Variants in RALGAPB observed in about 807,000 individuals in gnomAD.
RALGAPB encodes the protein ral GTPase-activating protein subunit beta.
In RALGAPB, 25 loss-of-function variants were observed where a neutral mutation model predicts 161.1. The ratio of observed to expected loss-of-function variants is 0.16; its 90% CI spans 0.11 to 0.22. RALGAPB has a LOEUF of 0.22. Among genes scored for constraint, RALGAPB ranks in the 10% least tolerant of loss-of-function variants. RALGAPB has a pLI of 1.00. For missense variants in RALGAPB, 1,391 were observed against 1,815.2 expected (o/e 0.77, Z 4.25); for synonymous variants, 629 against 626.1 (o/e 1.00, Z -0.07).
At chr20:38,528,349 A>T (rs1305987053) in intron 13 of RALGAPB, among the ~76,000 whole-genome samples, 1 of 4,128 alleles carries the variant, frequency 2.4e-4, no homozygotes, top group African/African-American at 2.7e-4. Flanking sequence ...TTTTATTTTT[A>T]TTTATTTATT....
At chr20:38,500,107 T>G (rs565511504) in intron 5 of RALGAPB, 2 of 152,296 alleles carry the variant, frequency 1.3e-5, no homozygotes, top group East Asian at 3.9e-4. Flanking sequence ...TTATATTTAA[T>G]ACCATCGCTG....
intron 6 of RALGAPB, among the ~76,000 whole-genome samples, chr20:38,510,131 TACACAC>T (rs34759480): frequency 0.19 from 28,341 of 146,160 alleles, 5,649 homozygotes; most frequent in African/African-American, 0.52. Flanking sequence ...CACACGCACA[TACACAC>T]ACACACACAC....
intron 6 of RALGAPB, among the ~76,000 whole-genome samples, chr20:38,514,020 T>C (rs2086053158): frequency 2.6e-5 from 4 of 152,188 alleles, no homozygotes; most frequent in Admixed American, 2.6e-4. Context: ...TTAGATAGTC[T>C]TTCTTCTTGA....
intron 16 of RALGAPB, among the ~76,000 whole-genome samples, chr20:38,536,416 G>C (rs2086806453): frequency 6.6e-6 from 1 of 152,198 alleles, no homozygotes; most frequent in Non-Finnish European, 1.5e-5. Flanking sequence ...GCTGTTGTCA[G>C]TAGTGCTGCT....
intron 6 of RALGAPB, among the ~76,000 whole-genome samples, chr20:38,515,259 C>T (rs1017065411): frequency 2.6e-5 from 4 of 152,148 alleles, no homozygotes; most frequent in Admixed American, 2.0e-4. Context: ...TTCTCCTTTC[C>T]GCAATTACAG....
intron 27 of RALGAPB, among the ~76,000 whole-genome samples, chr20:38,570,369 C>T (rs1384550601): frequency 1.3e-5 from 2 of 152,160 alleles, no homozygotes; most frequent in African/African-American, 4.8e-5. Context: ...CCTACTGTCT[C>T]GTTTTAGTAT....
intron 28 of RALGAPB, 67 bp from the exon 29 acceptor site, chr20:38,574,083 T>TC: frequency 6.7e-7 from 1 of 1,485,032 alleles, no homozygotes; most frequent in African/African-American, 1.4e-5. Context: ...GTGGGGGACT[T>TC]CAACTCTTGG....
intron 1 of RALGAPB, 28 bp from the exon 2 acceptor site, chr20:38,488,375 G>T: frequency 7.4e-7 from 1 of 1,358,440 alleles, no homozygotes; most frequent in South Asian, 1.3e-5. Flanking sequence ...AGTATAATTT[G>T]ACATGCATTT....
chr20:38,484,191 GAA>G (rs1176518694), intron 1 of RALGAPB, among the ~76,000 whole-genome samples: 1 of 151,956 alleles, frequency 6.6e-6, no homozygotes, highest in Admixed American at 6.6e-5. Context: ...AAAAAGAAAA[GAA>G]AAGAGTAGAC....
intron 4 of RALGAPB, among the ~76,000 whole-genome samples, chr20:38,498,910 A>G (rs1424755047): frequency 6.6e-6 from 1 of 152,216 alleles, no homozygotes; most frequent in African/African-American, 2.4e-5. Flanking sequence ...TTTGGAGGTA[A>G]AAAGACATGG....
intron 19 of RALGAPB, chr20:38,546,645 A>C: frequency 1.8e-6 from 1 of 557,468 alleles, no homozygotes. Flanking sequence ...TGTGCATCTG[A>C]ACTAGCTCTG....
intron 1 of RALGAPB, among the ~76,000 whole-genome samples, chr20:38,479,937 A>G (rs577317432): frequency 6.6e-6 from 1 of 151,182 alleles, no homozygotes; most frequent in South Asian, 2.1e-4. Flanking sequence ...TTTAATGGAA[A>G]TTTAGTTCCC....
At chr20:38,478,698 C>A (rs1054255882) in intron 1 of RALGAPB, among the ~76,000 whole-genome samples, 1 of 152,114 alleles carries the variant, frequency 6.6e-6, no homozygotes, top group Non-Finnish European at 1.5e-5. Flanking sequence ...CTCACCGCAG[C>A]CTCCACCTCC....
chr20:38,549,289 G>A (rs758244856), intron 20 of RALGAPB, among the ~76,000 whole-genome samples: 5 of 151,922 alleles, frequency 3.3e-5, no homozygotes, highest in Non-Finnish European at 7.4e-5. Flanking sequence ...GTGCAGTGGT[G>A]TAATCATAGC....
At chr20:38,567,458 G>T (rs888342563) in intron 26 of RALGAPB, among the ~76,000 whole-genome samples, 1 of 152,016 alleles carries the variant, frequency 6.6e-6, no homozygotes, top group African/African-American at 2.4e-5. Context: ...TCACCATTCT[G>T]GTCCCGTACT....
chr20:38,552,741 C>T (rs2087422216), intron 21 of RALGAPB, among the ~76,000 whole-genome samples: 1 of 152,272 alleles, frequency 6.6e-6, no homozygotes, highest in African/African-American at 2.4e-5. Context: ...AATAGGGGAT[C>T]CCAGACAGTT....
intron 18 of RALGAPB, 59 bp from the exon 19 acceptor site, chr20:38,546,183 AC>A: frequency 6.2e-7 from 1 of 1,606,854 alleles, no homozygotes. Context: ...ACATTGATGC[AC>A]AAGGTAAACT....
At chr20:38,540,900 A>G in intron 17 of RALGAPB, 141 bp from the exon 18 acceptor site, 1 of 773,394 alleles carries the variant, frequency 1.3e-6, no homozygotes, top group South Asian at 2.2e-5. Context: ...CTATGAAGTT[A>G]ATATATATCC....
At chr20:38,530,413 T>C (rs1222144744) in intron 13 of RALGAPB, among the ~76,000 whole-genome samples, 1 of 152,082 alleles carries the variant, frequency 6.6e-6, no homozygotes, top group Non-Finnish European at 1.5e-5. Flanking sequence ...TGATAAATTT[T>C]AGCTTTTTAT....
Sources: gnomAD v4.1 joint callset for allele counts (sites outside exome capture counted in the v4.1 genomes callset) on GRCh38, gnomAD v4.1.1 for gene constraint, MANE v1.5 for transcripts, NCBI Gene and HGNC (gene_info 2026-07-23, HGNC 2026-07-21) for gene names.